The following PRKG1 variants were observed in gnomAD, a reference collection of about 807,000 sequenced individuals.
PRKG1 encodes cGMP-dependent protein kinase 1.
Under a neutral mutation model 88.1 loss-of-function variants are expected in PRKG1, and 35 were observed. The ratio of observed to expected loss-of-function variants is 0.40; its 90% CI spans 0.30 to 0.53. The LOEUF (loss-of-function observed/expected upper bound fraction) is 0.53. Ranked by LOEUF, PRKG1 falls within the 20% of genes least tolerant of loss-of-function variation. PRKG1 has a pLI of 0.59. For missense variants in PRKG1, 540 were observed against 839.8 expected (o/e 0.64, Z 4.41); for synonymous variants, 303 against 292.5 (o/e 1.04, Z -0.37).
intron 2 of PRKG1, among the ~76,000 whole-genome samples, chr10:51,256,897 A>T (rs577860075): frequency 6.6e-6 from 1 of 152,264 alleles, no homozygotes; most frequent in South Asian, 2.1e-4. Context: ...ATCAATGTTT[A>T]TAAAGATTAA....
chr10:51,906,481 G>T (rs778357979), intron 4 of PRKG1, among the ~76,000 whole-genome samples: 3 of 152,120 alleles, frequency 2.0e-5, no homozygotes, highest in Non-Finnish European at 4.4e-5. Flanking sequence ...TATTGGTTTG[G>T]TCTGGAAAGG....
intron 2 of PRKG1, among the ~76,000 whole-genome samples, chr10:51,236,697 G>A (rs1266194939): frequency 6.6e-6 from 1 of 151,724 alleles, no homozygotes; most frequent in Non-Finnish European, 1.5e-5. Flanking sequence ...GAGACTACGG[G>A]GTTTCACCAT....
intron 17 of PRKG1, 31 bp from the exon 18 acceptor site, chr10:52,293,771 C>A (rs781597739): frequency 6.4e-7 from 1 of 1,558,572 alleles, no homozygotes; most frequent in Non-Finnish European, 8.8e-7. Context: ...TAAAAAAAAT[C>A]CACTAAAAAA....
At chr10:51,355,037 T>C (rs1055018725) in intron 2 of PRKG1, among the ~76,000 whole-genome samples, 20 of 152,058 alleles carry the variant, frequency 1.3e-4, no homozygotes, top group African/African-American at 4.8e-4. Flanking sequence ...CTGTATGCTT[T>C]TTACAGATTT....
intron 3 of PRKG1, among the ~76,000 whole-genome samples, chr10:51,474,420 G>T (rs1299046621): frequency 2.0e-5 from 3 of 151,920 alleles, no homozygotes; most frequent in African/African-American, 7.2e-5. Context: ...TTAGCACTTG[G>T]ACCCATGTTA....
chr10:52,227,832 C>T lies in PRKG1; in HGVS notation c.1077-23738C>T, dbSNP rs939952734. Among the ~76,000 whole-genome samples, 3 of 152,196 alleles carry T rather than the reference C, an allele frequency of 2.0e-5. No individual in the cohort carries two copies. In the East Asian group the frequency reaches 5.8e-4, roughly 29 times the overall value. On this transcript the variant is annotated intron_variant, in intron 9 of 17. Transcript: ENST00000373980. Reference sequence around the variant, plus strand: ...TGGGTGAAGTTGCACTGCACATGTGCCCAGTTATATTATTATTGTCGTTCT... The same window carrying T: ...TGGGTGAAGTTGCACTGCACATGTGTCCAGTTATATTATTATTGTCGTTCT...
intron 1 of PRKG1, among the ~76,000 whole-genome samples, chr10:51,126,339 A>AT (rs1431603933): frequency 5.5e-5 from 7 of 128,158 alleles, no homozygotes; most frequent in African/African-American, 2.1e-4. Flanking sequence ...ATTTTATATT[A>AT]TTTTATACTT....
intron 7 of PRKG1, chr10:52,081,641 G>A (rs762265960): frequency 8.3e-5 from 38 of 456,464 alleles, no homozygotes; most frequent in Admixed American, 6.1e-4. Flanking sequence ...GTTTCTTCAT[G>A]GATCTTACAT....
At chr10:52,135,597 G>T (rs114906249) in intron 8 of PRKG1, among the ~76,000 whole-genome samples, 1 of 152,066 alleles carries the variant, frequency 6.6e-6, no homozygotes, top group Non-Finnish European at 1.5e-5. Flanking sequence ...AAGGTTTCAC[G>T]TCTTACTGAA....
intron 7 of PRKG1, among the ~76,000 whole-genome samples, chr10:52,085,210 C>A (rs1248934539): frequency 6.6e-6 from 1 of 152,002 alleles, no homozygotes; most frequent in African/African-American, 2.4e-5. Flanking sequence ...TAAGGAAACT[C>A]TTAAAGAGCA....
intron 1 of PRKG1, among the ~76,000 whole-genome samples, chr10:51,066,056 T>C (rs1244654843): frequency 6.6e-6 from 1 of 151,902 alleles, no homozygotes. Context: ...TTGAAGGCAG[T>C]GAAAGGGGTT....
chr10:51,189,953 G>A (rs1196402387), intron 2 of PRKG1, among the ~76,000 whole-genome samples: 1 of 151,856 alleles, frequency 6.6e-6, no homozygotes, highest in Non-Finnish European at 1.5e-5. Flanking sequence ...TAAGGCTACA[G>A]AAATAACAGG....
rs937999968 is a variant in PRKG1 at position 51,002,853 on chromosome 10, C to T, written c.266+11209C>T. ...TTTTGGATTAATGCTATTCCTTGGC[C>T]TCTTTAATTGGTCTTTTTGCTCAGA... On this transcript the variant is annotated intron_variant, in intron 1 of 17. Transcript: ENST00000401604. Among the ~76,000 whole-genome samples the T allele has an allele frequency of 2.0e-5, 3 of 152,208 alleles. No individual in the cohort carries two copies. In the South Asian group the frequency reaches 6.2e-4, roughly 32 times the overall value.
intron 3 of PRKG1, among the ~76,000 whole-genome samples, chr10:51,673,760 G>A (rs985484254): frequency 6.6e-6 from 1 of 152,108 alleles, no homozygotes; most frequent in African/African-American, 2.4e-5. Context: ...TCACTTTAAT[G>A]TATATTATCA....
intron 14 of PRKG1, among the ~76,000 whole-genome samples, chr10:52,286,909 A>G (rs973409506): frequency 1.2e-4 from 19 of 152,032 alleles, no homozygotes; most frequent in Non-Finnish European, 2.2e-4. Flanking sequence ...TACAATCTAC[A>G]TATAGAAGTC....
chr10:51,256,065 C>T (rs543638905), intron 2 of PRKG1, among the ~76,000 whole-genome samples: 289 of 152,214 alleles, frequency 1.9e-3, no homozygotes, highest in African/African-American at 6.7e-3. Context: ...TCATTCTGCT[C>T]CTACTTGTAC....
chr10:51,595,215 G>T (rs1838413962), intron 3 of PRKG1, among the ~76,000 whole-genome samples: 1 of 152,170 alleles, frequency 6.6e-6, no homozygotes, highest in African/African-American at 2.4e-5. Flanking sequence ...GGAGGTAGTA[G>T]AGCATGCCTG....
rs1307379186 is a variant in PRKG1 at position 52,061,090 on chromosome 10, A to C, written c.841-1447A>C. ...CCCTACTGAAGTTTCTGCATCTATA[A>C]AAGCCTCTTCAGCATGCAAATTAGT... On this transcript the variant is annotated intron_variant, in intron 6 of 17. Coordinates refer to ENST00000373980, the MANE Select transcript of PRKG1 (RefSeq NM_006258.4). Among the ~76,000 whole-genome samples the C allele has an allele frequency of 2.0e-5, 3 of 152,160 alleles. No homozygotes were observed. The East Asian group carries it at 5.8e-4, about 29-fold the overall frequency.
At chr10:51,881,568 C>G (rs1185699935) in intron 4 of PRKG1, among the ~76,000 whole-genome samples, 1 of 152,170 alleles carries the variant, frequency 6.6e-6, no homozygotes, top group Non-Finnish European at 1.5e-5. Context: ...GGTACCAGGC[C>G]TCTTATCACC....
Sources: allele counts gnomAD v4.1 joint callset (sites outside exome capture counted in the v4.1 genomes callset), GRCh38; gene constraint gnomAD v4.1.1; transcripts MANE v1.5; gene names NCBI Gene and HGNC (gene_info 2026-07-23, HGNC 2026-07-21).